The following FHIT variants were observed in gnomAD, a reference collection of about 807,000 sequenced individuals.
FHIT encodes the protein bis(5'-adenosyl)-triphosphatase.
FHIT carries 19 observed loss-of-function variants against 17.9 expected under a neutral mutation model. That is an observed-to-expected ratio of 1.06 (90% CI 0.74 to 1.56). The LOEUF (loss-of-function observed/expected upper bound fraction) is 1.56. Among genes scored for constraint, FHIT ranks in the 40% most tolerant of loss-of-function variants. The pLI is 0.00. For synonymous variants in FHIT, 81 were observed against 69.7 expected (o/e 1.16, Z -0.81); for missense variants, 248 against 189.2 (o/e 1.31, Z -1.82).
At chr3:59,857,808 G>A (rs1242431161) in intron 8 of FHIT, among the ~76,000 whole-genome samples, 2 of 144,838 alleles carry the variant, frequency 1.4e-5, no homozygotes, top group African/African-American at 2.6e-5. Flanking sequence ...ATTTATGTCT[G>A]CAGCGATACT....
At chr3:61,069,083 T>C (rs990841541) in intron 2 of FHIT, among the ~76,000 whole-genome samples, 1 of 152,080 alleles carries the variant, frequency 6.6e-6, no homozygotes, top group African/African-American at 2.4e-5. Flanking sequence ...TTCAACAGGT[T>C]TTTCTTTTTT....
At chr3:60,019,813 G>C (rs577102441) in intron 5 of FHIT, among the ~76,000 whole-genome samples, 8 of 152,334 alleles carry the variant, frequency 5.3e-5, no homozygotes, top group Middle Eastern at 3.4e-3. Flanking sequence ...AAGTCACACA[G>C]TTAGGAGCAC....
intron 5 of FHIT, among the ~76,000 whole-genome samples, chr3:60,111,120 C>T (rs558681569): frequency 4.6e-5 from 7 of 151,592 alleles, no homozygotes; most frequent in Non-Finnish European, 8.8e-5. Flanking sequence ...TCTGATAGAC[C>T]GAGAAGAAAA....
intron 3 of FHIT, among the ~76,000 whole-genome samples, chr3:60,894,320 C>T (rs1705675064): frequency 6.6e-6 from 1 of 152,202 alleles, no homozygotes; most frequent in Non-Finnish European, 1.5e-5. Context: ...CCAGACAAAA[C>T]TATGCATGGC....
intron 4 of FHIT, among the ~76,000 whole-genome samples, chr3:60,547,840 A>G (rs776067090): frequency 6.6e-6 from 1 of 152,178 alleles, no homozygotes. Flanking sequence ...AACTTGTAGT[A>G]GAGTAAGGTT....
intron 1 of FHIT, among the ~76,000 whole-genome samples, chr3:61,215,700 C>T (rs1056032923): frequency 6.6e-6 from 1 of 152,082 alleles, no homozygotes; most frequent in African/African-American, 2.4e-5. Flanking sequence ...AATCCTAAGC[C>T]AAAAGAATAA....
At chr3:59,935,671 GTGAATGGA>G (rs1420439492) in intron 7 of FHIT, among the ~76,000 whole-genome samples, 1 of 151,922 alleles carries the variant, frequency 6.6e-6, no homozygotes, top group South Asian at 2.1e-4. Context: ...TGATGGATGG[GTGAATGGA>G]TGGGTGGATG....
intron 4 of FHIT, among the ~76,000 whole-genome samples, chr3:60,592,229 CTATA>C (rs1195886888): frequency 6.9e-6 from 1 of 144,806 alleles, no homozygotes; most frequent in African/African-American, 2.5e-5. Flanking sequence ...TATATATATA[CTATA>C]TATATTCCAT....
At chr3:60,939,531 C>T (rs11915345) in intron 3 of FHIT, among the ~76,000 whole-genome samples, 40,681 of 151,834 alleles carry the variant, frequency 0.27, 5,872 homozygotes, top group Middle Eastern at 0.36. Flanking sequence ...AAAAATTCAC[C>T]GTGACTACAA....
intron 5 of FHIT, among the ~76,000 whole-genome samples, chr3:60,280,289 C>G (rs1446296129): frequency 6.6e-6 from 1 of 152,090 alleles, no homozygotes; most frequent in African/African-American, 2.4e-5. Context: ...TGGAGAGAAA[C>G]TGGATGCTTT....
At position 60,982,001 on chromosome 3, in the gene FHIT, C is replaced by T. The variant is rs1304236618; in HGVS notation, c.-111+60046G>A. Among the ~76,000 whole-genome samples, 3 of 152,210 alleles carry T rather than the reference C, an allele frequency of 2.0e-5. No homozygotes were observed. The East Asian group carries it at 5.8e-4, about 29-fold the overall frequency. ...ATCTCGGCAGATACCCTGTTGGTTG[C>T]TTATTAATTACCATCACCTCTTACC... On this transcript the variant is annotated intron_variant, in intron 3 of 9. Coordinates refer to ENST00000492590, the MANE Select transcript of FHIT (RefSeq NM_002012.4).
chr3:60,637,664 T>C (rs945088836), intron 4 of FHIT, among the ~76,000 whole-genome samples: 5 of 152,216 alleles, frequency 3.3e-5, no homozygotes, highest in Non-Finnish European at 7.3e-5. Flanking sequence ...ATTTCATAGA[T>C]GTGAACACTG....
At chr3:61,052,769 G>T (rs1427143306) in intron 2 of FHIT, among the ~76,000 whole-genome samples, 7 of 152,158 alleles carry the variant, frequency 4.6e-5, no homozygotes, top group Non-Finnish European at 2.9e-5. Flanking sequence ...TCCATGCTTA[G>T]AATGAACACA....
At chr3:59,873,121 CCT>C (rs1303515726) in intron 8 of FHIT, among the ~76,000 whole-genome samples, 2 of 152,288 alleles carry the variant, frequency 1.3e-5, no homozygotes, top group Non-Finnish European at 1.5e-5. Context: ...TTAAACACTC[CCT>C]GTTTTACCTC....
intron 5 of FHIT, among the ~76,000 whole-genome samples, chr3:60,035,004 A>G (rs1701154346): frequency 6.6e-6 from 1 of 152,188 alleles, no homozygotes; most frequent in South Asian, 2.1e-4. Context: ...CTCTTTAAAC[A>G]TTTTATAAAC....
At chr3:60,139,335 A>G (rs1699939007) in intron 5 of FHIT, among the ~76,000 whole-genome samples, 1 of 152,204 alleles carries the variant, frequency 6.6e-6, no homozygotes, top group African/African-American at 2.4e-5. Flanking sequence ...AAAGCCAAGT[A>G]TATGAGTAAA....
intron 3 of FHIT, among the ~76,000 whole-genome samples, chr3:60,990,489 T>G (rs2030092599): frequency 6.6e-6 from 1 of 152,244 alleles, no homozygotes; most frequent in African/African-American, 2.4e-5. Context: ...TTCTTATTTT[T>G]AAACTCCAAT....
chr3:59,960,079 C>A (rs1168089560), intron 7 of FHIT, among the ~76,000 whole-genome samples: 1 of 152,014 alleles, frequency 6.6e-6, no homozygotes, highest in Non-Finnish European at 1.5e-5. Flanking sequence ...TATTAAGGTG[C>A]ATAGGGTGGC....
Position 59,754,362 on chromosome 3 carries a change from C to G in FHIT, c.349-2041G>C, listed in dbSNP as rs148474526. The stretch of plus-strand genomic sequence containing the variant: ...TTTAATTCTCCTTAGTGAAAGAAAA[C>G]CACATTAAGAAGTCATTTCCTTTCT... On this transcript the variant is annotated intron_variant, in intron 8 of 9. Coordinates refer to ENST00000492590, the MANE Select transcript of FHIT (RefSeq NM_002012.4). 2.6e-5 allele frequency among the ~76,000 whole-genome samples: 4 copies of G among 152,306 alleles called. No homozygotes were observed. The East Asian group carries it at 7.7e-4, about 29-fold the overall frequency.
Sources: allele counts gnomAD v4.1 joint callset (sites outside exome capture counted in the v4.1 genomes callset), GRCh38; gene constraint gnomAD v4.1.1; transcripts MANE v1.5; gene names NCBI Gene and HGNC (gene_info 2026-07-23, HGNC 2026-07-21).